Variants in UGGT2 observed in about 807,000 individuals in gnomAD.
UGGT2 encodes UDP-glucose glycoprotein glucosyltransferase 2, also known as UDP-glucose:glycoprotein glucosyltransferase 2.
In UGGT2, 180 loss-of-function variants were observed where a neutral mutation model predicts 192.1. The ratio of observed to expected loss-of-function variants is 0.94; its 90% CI spans 0.83 to 1.06. The LOEUF is 1.06. Among genes scored for constraint, UGGT2 ranks in the 50% least tolerant of loss-of-function variants. The pLI is 0.00. For missense variants in UGGT2, 1,849 were observed against 1,795.7 expected, an observed-to-expected ratio of 1.03 and a Z score of -0.54; for synonymous variants, 580 against 591.0, an observed-to-expected ratio of 0.98 and a Z score of 0.27.
At chr13:96,022,175 C>A (rs2052534255) in intron 4 of UGGT2, among the ~76,000 whole-genome samples, 1 of 151,922 alleles carries the variant, frequency 6.6e-6, no homozygotes, top group Non-Finnish European at 1.5e-5. Flanking sequence ...ATAATGAATA[C>A]AATTGACTAG....
chr13:95,887,885 G>T lies in UGGT2; in HGVS notation c.3038+7C>A. 1 of 1,557,378 alleles carries T rather than the reference G, an allele frequency of 6.4e-7. No individual in the cohort carries two copies. The highest frequency in any genetic ancestry group is 8.8e-7 in the Non-Finnish European group (1 of 1,139,264). ...TTCAAAATGAAATTTTGTTCACTCA[G>T]ATTTACCTTTCTAAAGGGGCTTCTG... On this transcript the variant is annotated splice_region_variant and intron_variant, in intron 26 of 38. Transcript: ENST00000376747.
Position 95,801,737 on chromosome 13 carries a change from C to A in UGGT2, c.*53G>T. Reference sequence around the variant, plus strand: ...CAGCAGGGGCTCCAGACTTCCCCAGCAGGCGGCAGGTTTCCTGTCATGCTT... The same window carrying A: ...CAGCAGGGGCTCCAGACTTCCCCAGAAGGCGGCAGGTTTCCTGTCATGCTT... On this transcript the variant is annotated 3_prime_UTR_variant, in exon 39 of 39. Coordinates refer to ENST00000376747, the MANE Select transcript of UGGT2 (RefSeq NM_020121.4). The A allele has an allele frequency of 6.3e-7, 1 of 1,599,320 alleles. No homozygotes were observed. The highest frequency in any genetic ancestry group is 8.5e-7 in the Non-Finnish European group (1 of 1,172,544).
intron 4 of UGGT2, among the ~76,000 whole-genome samples, chr13:96,014,170 T>A (rs952311976): frequency 3.9e-5 from 6 of 152,304 alleles, no homozygotes; most frequent in East Asian, 3.9e-4. Context: ...CCAAAGCCCA[T>A]ATGTTTTGGC....
At chr13:95,890,701 C>T (rs1318186385) in intron 25 of UGGT2, among the ~76,000 whole-genome samples, 161 bp downstream of exon 25, 7 of 152,106 alleles carry the variant, frequency 4.6e-5, no homozygotes, top group Non-Finnish European at 8.8e-5. Context: ...TAACAACACC[C>T]TGTGCACAGC....
chr13:95,914,245 A>T (rs1395956622), intron 20 of UGGT2, among the ~76,000 whole-genome samples: 1 of 151,166 alleles, frequency 6.6e-6, no homozygotes, highest in African/African-American at 2.5e-5. Context: ...TTAAAGTATA[A>T]TAAAAAAAAA....
At chr13:95,973,707 T>C (rs902606607) in intron 10 of UGGT2, among the ~76,000 whole-genome samples, 4 of 152,208 alleles carry the variant, frequency 2.6e-5, no homozygotes, top group African/African-American at 9.6e-5. Context: ...AAGTATCCAG[T>C]ACGGTTGTCA....
rs1889587568 is a variant in UGGT2, at chr13:95,856,133, T to C, written c.4008+25A>G. 3 of 1,569,970 alleles carry C rather than the reference T, an allele frequency of 1.9e-6. No individual in the cohort carries two copies. In the African/African-American group the frequency reaches 4.1e-5, roughly 22 times the overall value. On this transcript the variant is annotated intron_variant, in intron 34 of 38. Transcript: ENST00000376747. ...AGTGTAAAAAATGTTTGCGTATTACTAAAAATAGTAGTTAACCTTATTACC... is the reference window on the plus strand; with the variant it reads ...AGTGTAAAAAATGTTTGCGTATTACCAAAAATAGTAGTTAACCTTATTACC...
intron 15 of UGGT2, among the ~76,000 whole-genome samples, chr13:95,945,810 T>C (rs1406085460): frequency 6.6e-6 from 1 of 152,292 alleles, no homozygotes; most frequent in East Asian, 1.9e-4. Flanking sequence ...CACTATTTTA[T>C]AGAGCAAACT....
At chr13:95,969,788 GC>G (rs1188164535) in intron 12 of UGGT2, among the ~76,000 whole-genome samples, 3 of 152,212 alleles carry the variant, frequency 2.0e-5, no homozygotes, top group Non-Finnish European at 4.4e-5. Flanking sequence ...TGTTAAGGTA[GC>G]ACTTTTATAT....
chr13:95,939,126 C>T (rs1453613761), intron 16 of UGGT2, among the ~76,000 whole-genome samples: 2 of 152,194 alleles, frequency 1.3e-5, no homozygotes, highest in Non-Finnish European at 2.9e-5. Flanking sequence ...CTTATCTCCT[C>T]GACTGTACCC....
intron 1 of UGGT2, among the ~76,000 whole-genome samples, chr13:96,047,404 G>A (rs1185923281): frequency 1.3e-5 from 2 of 152,202 alleles, no homozygotes; most frequent in Non-Finnish European, 2.9e-5. Flanking sequence ...CTGCAGCTGA[G>A]GGTCCTGACT....
At chr13:96,051,442 G>T (rs2053483269) in intron 1 of UGGT2, among the ~76,000 whole-genome samples, 1 of 152,100 alleles carries the variant, frequency 6.6e-6, no homozygotes, top group South Asian at 2.1e-4. Flanking sequence ...CCTGCACGTT[G>T]TGCACATGTA....
chr13:95,894,195 A>G (rs2047883170), intron 24 of UGGT2, among the ~76,000 whole-genome samples: 1 of 152,144 alleles, frequency 6.6e-6, no homozygotes, highest in Non-Finnish European at 1.5e-5. Context: ...GCCACCCTAC[A>G]TTTGATTAAT....
At chr13:95,940,744 C>T (rs998007064) in intron 15 of UGGT2, among the ~76,000 whole-genome samples, 3 of 150,978 alleles carry the variant, frequency 2.0e-5, no homozygotes, top group Non-Finnish European at 4.5e-5. Context: ...AACTTGCCAC[C>T]ACATCTGGAT....
intron 12 of UGGT2, among the ~76,000 whole-genome samples, chr13:95,964,728 G>T (rs2140730951): frequency 6.6e-6 from 1 of 152,200 alleles, no homozygotes; most frequent in Middle Eastern, 3.4e-3. Flanking sequence ...GGCAACAAAA[G>T]CCAAAATTGA....
Position 95,949,407 on chromosome 13 carries a change from T to C in UGGT2, c.1383A>G (p.Thr461=). Reference sequence around the variant, plus strand: ...CTGGCTTCAGAAGTTTCTGGCAACTTGTAGGCCATGTAATATACAAATCAT... The same window carrying C: ...CTGGCTTCAGAAGTTTCTGGCAACTCGTAGGCCATGTAATATACAAATCAT... ...ENDDLYITWP[T]SCQKLLKPVF... The change falls in exon 13 of 39, where the codon ACA becomes ACG. Residue 461 remains threonine, a synonymous_variant. Coordinates refer to ENST00000376747, the MANE Select transcript of UGGT2 (RefSeq NM_020121.4). 2 of 1,583,148 alleles carry C rather than the reference T, an allele frequency of 1.3e-6. No individual in the cohort carries two copies. The highest frequency in any genetic ancestry group is 1.7e-6 in the Non-Finnish European group (2 of 1,163,082).
chr13:95,808,533 C>T (rs983326978), intron 38 of UGGT2, among the ~76,000 whole-genome samples: 4 of 150,780 alleles, frequency 2.7e-5, no homozygotes, highest in African/African-American at 9.8e-5. Flanking sequence ...TTGGTTGGGT[C>T]GAGGATCAGC....
chr13:95,964,792 T>C (rs886154343), intron 12 of UGGT2, among the ~76,000 whole-genome samples: 8 of 152,014 alleles, frequency 5.3e-5, no homozygotes, highest in Admixed American at 5.2e-4. Flanking sequence ...GAAACTACCA[T>C]CAGTGTGAAC....
chr13:95,868,016 CG>C (rs1356197136), intron 29 of UGGT2, among the ~76,000 whole-genome samples: 1 of 151,982 alleles, frequency 6.6e-6, no homozygotes, highest in African/African-American at 2.4e-5. Context: ...AACTGTGCTC[CG>C]TAATTATTTT....
Sources: gnomAD v4.1 joint callset for allele counts (sites outside exome capture counted in the v4.1 genomes callset) on GRCh38, gnomAD v4.1.1 for gene constraint, MANE v1.5 for transcripts, NCBI Gene and HGNC (gene_info 2026-07-23, HGNC 2026-07-21) for gene names.